Variants in FAM135A observed in about 807,000 individuals in gnomAD.
FAM135A encodes family with sequence similarity 135 member A.
In FAM135A, 79 loss-of-function variants were observed where a neutral mutation model predicts 146.8. That is an observed-to-expected ratio of 0.54 (90% CI 0.45 to 0.65). FAM135A has a LOEUF of 0.65. Ranked by LOEUF, FAM135A falls within the 30% of genes least tolerant of loss-of-function variation. FAM135A has a pLI of 0.00. For synonymous variants in FAM135A, 562 were observed against 603.6 expected (o/e 0.93, Z 1.01); for missense variants, 1,623 against 1,758.2 (o/e 0.92, Z 1.38).
chr6:70,518,943 G>A (rs368182448), intron 12 of FAM135A, among the ~76,000 whole-genome samples: 1 of 152,226 alleles, frequency 6.6e-6, no homozygotes, highest in African/African-American at 2.4e-5. Flanking sequence ...TGATGCATGA[G>A]TCATTTTGAC....
rs368261278 is a variant in FAM135A at position 70,464,625 on chromosome 6, T to C, written c.158-10785T>C. The stretch of plus-strand genomic sequence containing the variant: ...GAATAACAGAACAATATTTCAGTTA[T>C]TTATTTTTTTAAATTTCTTTCTTTC... On this transcript the variant is annotated intron_variant, in intron 5 of 21. Coordinates refer to ENST00000418814, the MANE Select transcript of FAM135A (RefSeq NM_001162529.3). 1.7e-4 allele frequency among the ~76,000 whole-genome samples: 26 copies of C among 151,518 alleles called. No homozygotes were observed. The East Asian group carries it at 4.1e-3, about 24-fold the overall frequency.
rs376909267 is a variant in FAM135A at position 70,522,567 on chromosome 6, A to G, written c.1084A>G (p.Ile362Val). 46 of 1,613,636 alleles carry G rather than the reference A, an allele frequency of 2.9e-5. No homozygotes were observed. The highest frequency in any genetic ancestry group is 3.7e-5 in the Non-Finnish European group (44 of 1,179,792). ...FCFEHPREAA[I>V]AYQELHAQSH... ...TTTTGAGCATCCAAGAGAAGCTGCC[A>G]TTGCATACCAGGAACTTCAGTGAGT... The change falls in exon 13 of 22, where the codon ATT becomes GTT. Residue 362 changes from isoleucine to valine, a missense_variant. Ile to Val is a conservative substitution (Grantham distance 29, BLOSUM62 3). This residue lies in a region of FAM135A where 23 missense variants were observed against 47.7 expected (regional missense o/e 0.48). Coordinates refer to ENST00000418814, the MANE Select transcript of FAM135A (RefSeq NM_001162529.3).
At chr6:70,536,175 C>T in intron 18 of FAM135A, 85 bp from the exon 19 acceptor site, 2 of 1,288,010 alleles carry the variant, frequency 1.6e-6, no homozygotes, top group Non-Finnish European at 2.1e-6. Flanking sequence ...TGTTAGTATT[C>T]ACATCCATTT....
In FAM135A at chr6:70,449,491, A is replaced by G. The variant is rs138935159; in HGVS notation, c.78-3001A>G. ...GATTTTTAGATTCTACATGTAAGTG[A>G]CATTATACATTATTTGTCTTTCTGT... is the stretch of plus-strand genomic sequence containing the variant. On this transcript the variant is annotated intron_variant, in intron 4 of 21. Coordinates refer to ENST00000418814, the MANE Select transcript of FAM135A (RefSeq NM_001162529.3). Among the ~76,000 whole-genome samples the G allele has an allele frequency of 3.0e-3, 463 of 152,278 alleles. 1 individual carries two copies. Among genetic ancestry groups the G allele is most frequent in the African/African-American group, 0.01 (417 of 41,552 alleles).
intron 5 of FAM135A, among the ~76,000 whole-genome samples, chr6:70,460,682 G>T (rs1779250685): frequency 6.6e-6 from 1 of 152,084 alleles, no homozygotes; most frequent in African/African-American, 2.4e-5. Context: ...ATATTTTTCT[G>T]AAAACCGATA....
chr6:70,509,895 G>A (rs954231135), intron 12 of FAM135A, among the ~76,000 whole-genome samples: 5 of 152,094 alleles, frequency 3.3e-5, no homozygotes, highest in African/African-American at 7.2e-5. Flanking sequence ...AAACAAAATA[G>A]TAGTACAAAC....
intron 10 of FAM135A, among the ~76,000 whole-genome samples, chr6:70,488,066 A>G (rs1250758363): frequency 6.6e-6 from 1 of 152,140 alleles, no homozygotes; most frequent in Non-Finnish European, 1.5e-5. Context: ...TTGACCTAGC[A>G]TCCCCACTTC....
intron 5 of FAM135A, among the ~76,000 whole-genome samples, chr6:70,467,874 T>A (rs1461175379): frequency 3.9e-5 from 6 of 152,174 alleles, no homozygotes; most frequent in South Asian, 4.1e-4. Flanking sequence ...TTTAAAAAAA[T>A]TTTTCGTATG....
chr6:70,444,309 A>T (rs776471996), intron 4 of FAM135A, among the ~76,000 whole-genome samples: 3 of 152,188 alleles, frequency 2.0e-5, no homozygotes, highest in African/African-American at 4.8e-5. Context: ...GGGCTGAGGC[A>T]TGAGAATTGC....
Position 70,533,164 on chromosome 6 carries a change from C to T in FAM135A, c.3780C>T (p.Asn1260=), listed in dbSNP as rs530055026. ...ACATCATTTTTCATTTTTTAGGAAA[C>T]AGTGCAGATCTCCGATTAGTAAAAA... ...LIVCVHGLDG[N]SADLRLVKTY... Residue 1260 remains asparagine (N), a synonymous_variant, in exon 17 of 22, where the codon AAC becomes AAT. Coordinates refer to ENST00000418814, the MANE Select transcript of FAM135A (RefSeq NM_001162529.3). The T allele has an allele frequency of 2.5e-6, 4 of 1,611,208 alleles. No homozygotes were observed. In the African/African-American group the frequency reaches 5.3e-5, roughly 21 times the overall value.
chr6:70,480,809 G>C, intron 8 of FAM135A, 92 bp from the exon 9 acceptor site: 2 of 1,307,818 alleles, frequency 1.5e-6, no homozygotes, highest in Non-Finnish European at 1.0e-6. Context: ...AACCCTTGCT[G>C]TTCTATTCCT....
chr6:70,540,515 C>T (rs1262976172), intron 20 of FAM135A, among the ~76,000 whole-genome samples: 5 of 151,708 alleles, frequency 3.3e-5, no homozygotes, highest in Admixed American at 6.6e-5. Context: ...TTAGTAGAGA[C>T]GGGGTTTCAC....
intron 20 of FAM135A, among the ~76,000 whole-genome samples, chr6:70,544,107 GT>G (rs987351769): frequency 7.0e-6 from 1 of 143,810 alleles, no homozygotes; most frequent in Non-Finnish European, 1.5e-5. Flanking sequence ...TTAGTAAATG[GT>G]AAAAAAAAAA....
At chr6:70,538,270 A>T in intron 19 of FAM135A, 21 bp from the exon 20 acceptor site, 1 of 1,324,412 alleles carries the variant, frequency 7.6e-7, no homozygotes. Flanking sequence ...TCATACTTCT[A>T]TATCATATAT....
intron 11 of FAM135A, among the ~76,000 whole-genome samples, chr6:70,501,166 C>CTGT (rs1270219556): frequency 4.6e-5 from 7 of 152,244 alleles, no homozygotes; most frequent in Non-Finnish European, 7.3e-5. Context: ...CTGACTGGGG[C>CTGT]TGTTACCCTT....
intron 4 of FAM135A, among the ~76,000 whole-genome samples, chr6:70,441,163 G>A (rs1012848197): frequency 6.6e-6 from 1 of 152,114 alleles, no homozygotes. Flanking sequence ...GGAGGTCAAG[G>A]CAGGTGGATC....
intron 11 of FAM135A, among the ~76,000 whole-genome samples, chr6:70,495,241 A>G (rs1786951287): frequency 6.6e-6 from 1 of 152,206 alleles, no homozygotes; most frequent in Non-Finnish European, 1.5e-5. Flanking sequence ...TTTCATAAAA[A>G]TGTAAACACT....
chr6:70,526,865 T>G (rs940949376), intron 15 of FAM135A, among the ~76,000 whole-genome samples, 167 bp downstream of exon 15: 3 of 151,876 alleles, frequency 2.0e-5, no homozygotes, highest in African/African-American at 7.2e-5. Flanking sequence ...GTCTGGTTTC[T>G]GTAATACAAA....
At chr6:70,546,518 T>C (rs1193970115) in intron 20 of FAM135A, among the ~76,000 whole-genome samples, 25 of 152,210 alleles carry the variant, frequency 1.6e-4, no homozygotes, top group Non-Finnish European at 2.9e-5. Context: ...TTAATAGCTT[T>C]CCTTTTATTG....
Sources: allele counts gnomAD v4.1 joint callset (sites outside exome capture counted in the v4.1 genomes callset), GRCh38; gene constraint gnomAD v4.1.1; regional missense constraint gnomAD v4.1.1; transcripts MANE v1.5; gene names NCBI Gene and HGNC (gene_info 2026-07-23, HGNC 2026-07-21).